MIDEAS: variants seen among roughly 807,000 people sequenced by gnomAD.
MIDEAS encodes mitotic deacetylase associated SANT domain protein.
In MIDEAS, 26 loss-of-function variants were observed where a neutral mutation model predicts 102.7. That is an observed-to-expected ratio of 0.25 (90% CI 0.19 to 0.35). The LOEUF (loss-of-function observed/expected upper bound fraction) is 0.35, where lower values mean the gene tolerates loss of function less well. Ranked by LOEUF, MIDEAS falls within the 10% of genes least tolerant of loss-of-function variation. The pLI, the probability that MIDEAS is intolerant of heterozygous loss-of-function variation, is 1.00. For missense variants in MIDEAS, 1,231 were observed against 1,435.6 expected (o/e 0.86, Z 2.30); for synonymous variants, 585 against 591.0 (o/e 0.99, Z 0.15).
At chr14:73,768,598 C>T (rs1171722349) in intron 1 of MIDEAS, among the ~76,000 whole-genome samples, 1 of 151,416 alleles carries the variant, frequency 6.6e-6, no homozygotes, top group Non-Finnish European at 1.5e-5. Flanking sequence ...GATTCTCCCA[C>T]CTCAGCCTCC....
chr14:73,731,626 A>G (rs1455344198), intron 3 of MIDEAS, among the ~76,000 whole-genome samples: 2 of 152,214 alleles, frequency 1.3e-5, no homozygotes, highest in Non-Finnish European at 2.9e-5. Flanking sequence ...TTCATTTTTT[A>G]GGTGTGGTAA....
chr14:73,785,393 A>G (rs2053797540), intron 1 of MIDEAS, among the ~76,000 whole-genome samples: 1 of 152,150 alleles, frequency 6.6e-6, no homozygotes, highest in African/African-American at 2.4e-5. Flanking sequence ...CCCTGCTAAG[A>G]AAGTGGGCCT....
At chr14:73,765,552 T>G (rs557108381) in intron 1 of MIDEAS, among the ~76,000 whole-genome samples, 1 of 152,342 alleles carries the variant, frequency 6.6e-6, no homozygotes, top group South Asian at 2.1e-4. Context: ...CTCTCTTCAG[T>G]AGCTCCCATC....
Position 73,725,160 on chromosome 14 carries a change from G to A in MIDEAS, c.2574+112C>T. 1.3e-6 allele frequency: 1 copy of A among 783,978 alleles called. No homozygotes were observed. Among genetic ancestry groups the A allele is most frequent in the South Asian group, 1.4e-5 (1 of 69,546 alleles). 48.6% of individuals were successfully genotyped at this position (783,978 alleles called of 1,614,324 possible). A position where few individuals can be genotyped will look rare whatever the true frequency, so the allele number is the denominator to read the frequency against. ...AGGAAATTCTCTCTGAGGCTACTCA[G>A]TAGCATTGACCTGACTGCTTTTTAA... is the stretch of plus-strand genomic sequence containing the variant. On this transcript the variant is annotated intron_variant, in intron 9 of 12. Coordinates refer to ENST00000423556, the MANE Select transcript of MIDEAS (RefSeq NM_001367710.1). The surrounding 1 kb of genome is among the most constrained non-coding windows in gnomAD (Gnocchi z 4.1).
At chr14:73,740,485 T>C (rs1007479291) in intron 1 of MIDEAS, among the ~76,000 whole-genome samples, 1 of 150,966 alleles carries the variant, frequency 6.6e-6, no homozygotes, top group East Asian at 1.9e-4. Context: ...TGTGACTCTC[T>C]TGTCCCACCA....
Position 73,786,805 on chromosome 14 carries a change from G to T in MIDEAS, c.-248+297C>A, listed in dbSNP as rs926693829. On this transcript the variant is annotated intron_variant, in intron 1 of 11. Coordinates refer to the MIDEAS transcript ENST00000394071. ...GCTGGGCGGAGGGCTGGCTGCAGAC[G>T]TAGGCCCCGGAAAGCCCCTTCCCCC... is the stretch of plus-strand genomic sequence containing the variant. Among the ~76,000 whole-genome samples the T allele has an allele frequency of 2.0e-5, 3 of 152,216 alleles. No homozygotes were observed. The East Asian group carries it at 5.8e-4, about 29-fold the overall frequency.
chr14:73,786,045 T>C (rs1025359605), intron 1 of MIDEAS, among the ~76,000 whole-genome samples: 1 of 152,202 alleles, frequency 6.6e-6, no homozygotes, highest in Non-Finnish European at 1.5e-5. Context: ...GCAATCACGC[T>C]GTAATTACAG....
At chr14:73,782,314 A>C (rs2053764467) in intron 1 of MIDEAS, among the ~76,000 whole-genome samples, 1 of 152,102 alleles carries the variant, frequency 6.6e-6, no homozygotes, top group African/African-American at 2.4e-5. Context: ...TGGGCAAAAC[A>C]AGCATGCGGC....
chr14:73,757,426 G>C (rs1435909010), intron 1 of MIDEAS, among the ~76,000 whole-genome samples: 4 of 152,146 alleles, frequency 2.6e-5, no homozygotes, highest in Admixed American at 6.6e-5. Context: ...CTATGAAGGA[G>C]ATACTGTATA....
chr14:73,759,266 G>C lies in MIDEAS; in HGVS notation c.-248+497C>G, dbSNP rs1454064145. On this transcript the variant is annotated intron_variant, in intron 1 of 12. Coordinates refer to ENST00000423556, the MANE Select transcript of MIDEAS (RefSeq NM_001367710.1). The surrounding 1 kb of genome is among the most constrained non-coding windows in gnomAD (Gnocchi z 6.7). ...CGCTGGCAGGGGAAGGGGCTCCCGC[G>C]CCAAGTTCCCTCAGCTGGCTAGCCC... is the stretch of plus-strand genomic sequence containing the variant. Among the ~76,000 whole-genome samples the C allele has an allele frequency of 6.6e-6, 1 of 152,164 alleles. No homozygotes were observed. The highest frequency in any genetic ancestry group is 1.5e-5 in the Non-Finnish European group (1 of 68,008).
At chr14:73,786,707 G>A (rs1007993004) in intron 1 of MIDEAS, among the ~76,000 whole-genome samples, 1 of 152,254 alleles carries the variant, frequency 6.6e-6, no homozygotes, top group Admixed American at 6.5e-5. Flanking sequence ...GGGCTGCGAA[G>A]AGGAAGAGGT....
intron 2 of MIDEAS, 52 bp from the exon 3 acceptor site, chr14:73,737,349 C>A (rs766905485): frequency 6.5e-7 from 1 of 1,544,820 alleles, no homozygotes; most frequent in Non-Finnish European, 8.8e-7. Context: ...CATAGCCAGG[C>A]GCAGTGGCTC....
At chr14:73,777,121 A>T (rs1234016913) in intron 1 of MIDEAS, among the ~76,000 whole-genome samples, 1 of 152,028 alleles carries the variant, frequency 6.6e-6, no homozygotes, top group East Asian at 1.9e-4. Context: ...CAGCAAGAAC[A>T]TGACCTAAGC....
upstream of MIDEAS, among the ~76,000 whole-genome samples, chr14:73,764,217 G>A (rs569181724): frequency 7.9e-5 from 12 of 152,022 alleles, no homozygotes; most frequent in South Asian, 2.3e-3. Context: ...GCGCACGTCT[G>A]TAGTCCCAGC....
At position 73,737,118 on chromosome 14, in the gene MIDEAS, C is replaced by T; in HGVS notation, c.1629G>A (p.Gln543=). The T allele has an allele frequency of 6.2e-7, 1 of 1,614,232 alleles. No homozygotes were observed. The highest frequency in any genetic ancestry group is 8.5e-7 in the Non-Finnish European group (1 of 1,180,046). ...TCCCGTCCTCATCAAGACCTCCAGC[C>T]TGGGCTGCCTCAGTTGGGTCCACAG... is the stretch of plus-strand genomic sequence containing the variant. ...VRTVDPTEAA[Q]AGGLDEDGKG... The change falls in exon 3 of 13, where the codon CAG becomes CAA. Residue 543 remains glutamine, a synonymous_variant. Transcript: ENST00000423556.
chr14:73,731,976 G>A (rs2053145203), intron 3 of MIDEAS, among the ~76,000 whole-genome samples: 1 of 152,210 alleles, frequency 6.6e-6, no homozygotes, highest in African/African-American at 2.4e-5. Flanking sequence ...TCACAGGCAG[G>A]GATTGAGGAG....
In MIDEAS at chr14:73,739,695, C is replaced by G; in HGVS notation, c.314G>C (p.Gly105Ala). The G allele has an allele frequency of 6.2e-7, 1 of 1,613,906 alleles. No individual in the cohort carries two copies. Among genetic ancestry groups the G allele is most frequent in the Non-Finnish European group, 8.5e-7 (1 of 1,180,000 alleles). ...VKWPNSVMAP[G>A]RGPERGGGGG... is the part of the protein sequence containing the mutation. ...ACCTCCTCCACGCTCCGGGCCCCGC[C>G]CTGGAGCCATCACAGAGTTGGGCCA... is the stretch of plus-strand genomic sequence containing the variant. The change falls in exon 2 of 13, where the codon GGG becomes GCG. Residue 105 changes from glycine to alanine, a missense_variant. By Grantham distance (60) the Gly-to-Ala change is moderately conservative. Transcript: ENST00000423556.
In MIDEAS at chr14:73,739,250, TTGC is replaced by T. The variant is rs745406125; in HGVS notation, c.756_758del (p.Gln253del). The stretch of plus-strand genomic sequence containing the variant: ...GCTGCTGCTGCTGCTGCTGCTGTGG[TTGC>T]TGCTGCTGCTGCTGCTTCTGTGGAG... On this transcript the variant is annotated inframe_deletion, in exon 2 of 13. Coordinates refer to ENST00000423556, the MANE Select transcript of MIDEAS (RefSeq NM_001367710.1). 83 of 1,602,386 alleles carry T rather than the reference TTGC, an allele frequency of 5.2e-5. 1 individual carries two copies. The South Asian group carries it at 5.4e-4, about 10-fold the overall frequency.
At chr14:73,721,559 C>T (rs771926660) in intron 10 of MIDEAS, 50 bp from the exon 11 acceptor site, 28 of 1,559,382 alleles carry the variant, frequency 1.8e-5, no homozygotes, top group African/African-American at 6.8e-5. Flanking sequence ...TGTCTCACTG[C>T]TGTAGCACAG....
Sources: allele counts gnomAD v4.1 joint callset (sites outside exome capture counted in the v4.1 genomes callset), GRCh38; gene constraint gnomAD v4.1.1; non-coding constraint Gnocchi (gnomAD v3.1); transcripts MANE v1.5; gene names NCBI Gene and HGNC (gene_info 2026-07-23, HGNC 2026-07-21).